Variants in KCNK17 observed in about 807,000 individuals in gnomAD.
KCNK17 encodes the protein potassium two pore domain channel subfamily K member 17.
KCNK17 carries 27 observed loss-of-function variants against 24.6 expected under a neutral mutation model. That is an observed-to-expected ratio of 1.10 (90% CI 0.81 to 1.51). The LOEUF is 1.51. Among genes scored for constraint, KCNK17 ranks in the 40% most tolerant of loss-of-function variants. KCNK17 has a pLI of 0.00. For missense variants in KCNK17, 450 were observed against 436.6 expected, an observed-to-expected ratio of 1.03 and a Z score of -0.27; for synonymous variants, 181 against 189.8, an observed-to-expected ratio of 0.95 and a Z score of 0.38.
intron 3 of KCNK17, 42 bp from the exon 4 acceptor site, chr6:39,304,173 C>A (rs753618295): frequency 1.3e-4 from 203 of 1,579,098 alleles, no homozygotes; most frequent in Non-Finnish European, 1.7e-4. Flanking sequence ...GAGGCCTTCA[C>A]CCCATGCGTG....
chr6:39,309,630 AGT>A (rs574914410), intron 2 of KCNK17, among the ~76,000 whole-genome samples: 1 of 152,270 alleles, frequency 6.6e-6, no homozygotes, highest in South Asian at 2.1e-4. Flanking sequence ...CCCTGAGAAG[AGT>A]GTGGGAGGTG....
intron 4 of KCNK17, among the ~76,000 whole-genome samples, chr6:39,301,994 G>T (rs9471056): frequency 4.6e-5 from 7 of 152,206 alleles, no homozygotes; most frequent in African/African-American, 1.7e-4. Context: ...GTTTATCCTA[G>T]ATTTGCCCTG....
intron 2 of KCNK17, among the ~76,000 whole-genome samples, chr6:39,309,494 C>G (rs951242554): frequency 2.0e-5 from 3 of 152,170 alleles, no homozygotes; most frequent in Non-Finnish European, 2.9e-5. Context: ...TCTCTTTGCC[C>G]TCCTCACCCT....
intron 1 of KCNK17, among the ~76,000 whole-genome samples, chr6:39,313,510 C>G (rs889479277): frequency 2.0e-5 from 3 of 152,232 alleles, no homozygotes; most frequent in Non-Finnish European, 4.4e-5. Flanking sequence ...CCCTCCGGGA[C>G]AAACGCGCCT....
At chr6:39,307,597 G>A (rs147483674) in intron 2 of KCNK17, among the ~76,000 whole-genome samples, 2 of 152,306 alleles carry the variant, frequency 1.3e-5, no homozygotes, top group Admixed American at 6.5e-5. Flanking sequence ...ATGGAGGCCT[G>A]CAGCGTTCTC....
At chr6:39,304,990 C>T (rs1156844504) in intron 2 of KCNK17, among the ~76,000 whole-genome samples, 2 of 152,230 alleles carry the variant, frequency 1.3e-5, no homozygotes, top group African/African-American at 4.8e-5. Flanking sequence ...TGTCCTCCCT[C>T]TCTGGATGGG....
chr6:39,299,667 C>T lies in KCNK17; in HGVS notation c.759G>A (p.Met253Ile). 1 of 1,614,140 alleles carries T rather than the reference C, an allele frequency of 6.2e-7. No individual in the cohort carries two copies. Residue 253 changes from methionine to isoleucine, a missense_variant, in exon 5 of 5, where the codon ATG becomes ATA. Met to Ile is a conservative substitution (Grantham distance 10). Transcript: ENST00000373231. ...NMVSLWILFG[M>I]AWLALIIKLI... Reference sequence around the variant, plus strand: ...GTTTGATGATCAAGGCCAGCCATGCCATCCCAAAGAGGATCCACAGGGACA... The same window carrying T: ...GTTTGATGATCAAGGCCAGCCATGCTATCCCAAAGAGGATCCACAGGGACA...
intron 2 of KCNK17, among the ~76,000 whole-genome samples, chr6:39,306,890 G>A (rs555620690): frequency 2.6e-5 from 4 of 150,960 alleles, no homozygotes; most frequent in Non-Finnish European, 5.9e-5. Flanking sequence ...TCAGCCTCCC[G>A]AGTAGCTGGG....
Position 39,310,924 on chromosome 6 carries a change from G to T in KCNK17, c.321C>A (p.Phe107Leu). The change falls in exon 2 of 5, where the codon TTC (phenylalanine) becomes TTA (leucine). Residue 107 changes from phenylalanine to leucine, a missense_variant. Physicochemically the swap from Phe to Leu is conservative, Grantham distance 22 (BLOSUM62 0). Coordinates refer to ENST00000373231, the MANE Select transcript of KCNK17 (RefSeq NM_031460.4). Reference protein sequence around the residue: ...SMGRWELVGSFFFSVSTITTI... With the variant: ...SMGRWELVGSLFFSVSTITTI... ...TGGTGATGGTGGACACAGAAAAGAA[G>T]AAGGAGCCCACGAGCTCCCAGCGCC... 4.4e-6 allele frequency: 7 copies of T among 1,591,616 alleles called. No homozygotes were observed. Among genetic ancestry groups the T allele is most frequent in the Non-Finnish European group, 5.1e-6 (6 of 1,165,370 alleles).
chr6:39,313,975 A>G, intron 1 of KCNK17, 109 bp downstream of exon 1: 1 of 821,828 alleles, frequency 1.2e-6, no homozygotes, highest in Non-Finnish European at 1.8e-6. Context: ...TTCCCTGAAC[A>G]GGAAACACCT....
At position 39,314,402 on chromosome 6, in the gene KCNK17, C is replaced by CA; in HGVS notation, c.-83_-82insT. 9.6e-7 allele frequency: 1 copy of CA among 1,041,982 alleles called. No individual in the cohort carries two copies. The allele number at this position is 1,041,982 out of a possible 1,614,324, so 64.5% of individuals were successfully genotyped here. ...GAAGGGCCAGGCGTCCAGCTCGTAT[C>CA]TCCTCTCGCAAACGCCTGCTGGTGC... On this transcript the variant is annotated 5_prime_UTR_variant, in exon 1 of 5. It adds an upstream start codon to the 5' untranslated region. Transcript: ENST00000373231.
Position 39,300,344 on chromosome 6 carries a change from G to C in KCNK17, c.689-607C>G. ...CACCATTGTTGCCCAGGCTGGTCTT[G>C]AACTCCTGAGCTCAGGCAATCCACC... On this transcript the variant is annotated intron_variant, in intron 4 of 4. Transcript: ENST00000373231. 3 of 774,982 alleles carry C rather than the reference G, an allele frequency of 3.9e-6. No individual in the cohort carries two copies. In the South Asian group the frequency reaches 4.4e-5, roughly 11 times the overall value. 48.0% of individuals were successfully genotyped at this position (774,982 alleles called of 1,614,324 possible).
intron 1 of KCNK17, 152 bp from the exon 2 acceptor site, chr6:39,311,159 A>T (rs1243018613): frequency 3.7e-6 from 2 of 543,392 alleles, no homozygotes; most frequent in Non-Finnish European, 6.5e-6. Flanking sequence ...TTACTCTTCG[A>T]TCCCAGCCCA....
At position 39,299,715 on chromosome 6, in the gene KCNK17, G is replaced by A; in HGVS notation, c.711C>T (p.Tyr237=). Reference sequence around the variant, plus strand: ...ACACCATGTTCTTGTACCACAGTGGGTACCTCTGGGAGGGGTTCATTCCTG... The same window carrying A: ...ACACCATGTTCTTGTACCACAGTGGATACCTCTGGGAGGGGTTCATTCCTG... ...YVIGMNPSQR[Y]PLWYKNMVSL... is the part of the protein sequence containing the mutation. The change falls in exon 5 of 5, where the codon TAC becomes TAT. Residue 237 remains tyrosine (Y), a synonymous_variant. Transcript: ENST00000373231. The A allele has an allele frequency of 6.2e-7, 1 of 1,614,046 alleles. No individual in the cohort carries two copies. The highest frequency in any genetic ancestry group is 8.5e-7 in the Non-Finnish European group (1 of 1,179,944).
Position 39,313,770 on chromosome 6 carries a change from C to A in KCNK17, c.237+314G>T, listed in dbSNP as rs550653220. On this transcript the variant is annotated intron_variant, in intron 1 of 4. Transcript: ENST00000373231. ...CCCCCTGCCGTAGTCGTCCTCGCCC[C>A]CAAATTTGGATGTGTCCCCAGGCAT... Among the ~76,000 whole-genome samples the A allele has an allele frequency of 3.3e-5, 5 of 152,160 alleles. No individual in the cohort carries two copies. In the East Asian group the frequency reaches 9.8e-4, roughly 30 times the overall value.
chr6:39,305,965 G>A (rs1762028918), intron 2 of KCNK17, among the ~76,000 whole-genome samples: 1 of 152,044 alleles, frequency 6.6e-6, no homozygotes. Context: ...TGCACTGTGT[G>A]AGAAAGATTT....
Position 39,314,099 on chromosome 6 carries a change from C to G in KCNK17, c.222G>C (p.Leu74=). The change falls in exon 1 of 5, where the codon CTG becomes CTC. Residue 74 remains leucine, a synonymous_variant. Transcript: ENST00000373231. ...QNFTCLDRPA[L]DSLIRDVVQA... ...CGCCCCTGACCCGGATCAGCGAGTCCAGCGCCGGGCGGTCCAGACACGTGA... is the reference window on the plus strand; with the variant it reads ...CGCCCCTGACCCGGATCAGCGAGTCGAGCGCCGGGCGGTCCAGACACGTGA... 1 of 1,585,672 alleles carries G rather than the reference C, an allele frequency of 6.3e-7. No individual in the cohort carries two copies.
Position 39,304,066 on chromosome 6 carries a change from C to T in KCNK17, c.579G>A (p.Leu193=), listed in dbSNP as rs1761991381. The T allele has an allele frequency of 6.2e-7, 1 of 1,613,076 alleles. No individual in the cohort carries two copies. The highest frequency in any genetic ancestry group is 1.3e-5 in the African/African-American group (1 of 74,904). ...GGGAGAAGAGCAGCGGTGGCAGCAG[C>T]AGGAAGAGCAGGAGGCCCGAGAGGA... ...GALLSGLLLF[L]LLPPLLFSHM... The change falls in exon 4 of 5, where the codon CTG becomes CTA. Residue 193 remains leucine, a synonymous_variant. Coordinates refer to ENST00000373231, the MANE Select transcript of KCNK17 (RefSeq NM_031460.4).
At position 39,311,072 on chromosome 6, in the gene KCNK17, G is replaced by GCACACA. The variant is rs59086835; in HGVS notation, c.238-71_238-66dup. On this transcript the variant is annotated intron_variant, in intron 1 of 4. Coordinates refer to ENST00000373231, the MANE Select transcript of KCNK17 (RefSeq NM_031460.4). ...TGATGGATTTCCTGTACCCCAAGAT[G>GCACACA]CACACACACACACACACACACACAC... 2.0e-3 allele frequency: 1,051 copies of GCACACA among 518,586 alleles called. 4 individuals are homozygous for GCACACA. The highest frequency in any genetic ancestry group is 2.7e-3 in the Non-Finnish European group (750 of 281,112). The allele number at this position is 518,586 out of a possible 1,614,324, so 32.1% of individuals were successfully genotyped here.
Sources: gnomAD v4.1 joint callset for allele counts (sites outside exome capture counted in the v4.1 genomes callset) on GRCh38, gnomAD v4.1.1 for gene constraint, MANE v1.5 for transcripts, NCBI Gene and HGNC (gene_info 2026-07-23, HGNC 2026-07-21) for gene names.